Variants in PLAC9 observed in about 807,000 individuals in gnomAD.
The protein encoded by PLAC9 is placenta associated 9.
In PLAC9, 12 loss-of-function variants were observed where a neutral mutation model predicts 11.5. The ratio of observed to expected loss-of-function variants is 1.05; its 90% CI spans 0.67 to 1.69. PLAC9 has a LOEUF of 1.69. Ranked by LOEUF, PLAC9 falls within the 40% of genes most tolerant of loss-of-function variation. The pLI is 0.00. For missense variants in PLAC9, 132 were observed against 130.5 expected (o/e 1.01, Z -0.06); for synonymous variants, 62 against 58.1 (o/e 1.07, Z -0.31).
intron 1 of PLAC9, among the ~76,000 whole-genome samples, chr10:80,134,357 G>A (rs138117483): frequency 0.05 from 7,577 of 150,102 alleles, 248 homozygotes; most frequent in Non-Finnish European, 0.076. Context: ...TCCGTCTCCC[G>A]GGTTCAACTG....
intron 1 of PLAC9, among the ~76,000 whole-genome samples, chr10:80,134,245 T>TTTTCTTTC (rs781468383): frequency 1.3e-3 from 199 of 150,298 alleles, no homozygotes; most frequent in African/African-American, 4.8e-3. Flanking sequence ...GCATTGTATA[T>TTTTCTTTC]TTTCTTTCTT....
chr10:80,139,156 G>T (rs1845012030), intron 1 of PLAC9, among the ~76,000 whole-genome samples: 1 of 152,018 alleles, frequency 6.6e-6, no homozygotes, highest in Non-Finnish European at 1.5e-5. Context: ...GTTTCACCGT[G>T]TTAGCCAGGA....
chr10:80,139,859 G>A (rs1032562771), intron 1 of PLAC9, among the ~76,000 whole-genome samples: 1 of 152,116 alleles, frequency 6.6e-6, no homozygotes, highest in Non-Finnish European at 1.5e-5. Flanking sequence ...AAAGTGCTAG[G>A]ATTACAGGCA....
At chr10:80,132,887 G>A in intron 1 of PLAC9, 61 bp downstream of exon 1, 1 of 1,376,196 alleles carries the variant, frequency 7.3e-7, no homozygotes, top group South Asian at 1.4e-5. Context: ...AGATGGCGAG[G>A]AAGGAATGAG....
intron 1 of PLAC9, among the ~76,000 whole-genome samples, chr10:80,141,715 C>G (rs1039949153): frequency 9.2e-5 from 14 of 152,186 alleles, no homozygotes; most frequent in African/African-American, 7.2e-5. Flanking sequence ...TCTCCAGTCT[C>G]TCTCTCCCGC....
chr10:80,135,178 C>T (rs942479934), intron 1 of PLAC9, among the ~76,000 whole-genome samples: 1 of 151,826 alleles, frequency 6.6e-6, no homozygotes, highest in Non-Finnish European at 1.5e-5. Flanking sequence ...TGCAACCATG[C>T]CCGGCTAAAT....
At chr10:80,144,120 C>A in intron 2 of PLAC9, 103 bp from the exon 3 acceptor site, 1 of 1,534,864 alleles carries the variant, frequency 6.5e-7, no homozygotes, top group Non-Finnish European at 9.0e-7. Flanking sequence ...AGTCCTTTCC[C>A]ACTGCACCGC....
upstream of PLAC9, among the ~76,000 whole-genome samples, chr10:80,132,368 C>T (rs555701268): frequency 2.0e-5 from 3 of 152,336 alleles, no homozygotes; most frequent in African/African-American, 7.2e-5. Context: ...AAGACACTTC[C>T]CTCCGAGTCT....
chr10:80,133,518 G>A (rs1338954946), intron 1 of PLAC9, among the ~76,000 whole-genome samples: 2 of 152,244 alleles, frequency 1.3e-5, no homozygotes, highest in Non-Finnish European at 2.9e-5. Context: ...GTGGCCTCAG[G>A]TGGATCTGCA....
At chr10:80,137,151 G>A (rs1199788061) in intron 1 of PLAC9, among the ~76,000 whole-genome samples, 1 of 152,212 alleles carries the variant, frequency 6.6e-6, no homozygotes, top group Non-Finnish European at 1.5e-5. Flanking sequence ...GTTGCTCCAG[G>A]GTGCACAAAG....
At chr10:80,139,266 C>T (rs1373020778) in intron 1 of PLAC9, among the ~76,000 whole-genome samples, 2 of 152,070 alleles carry the variant, frequency 1.3e-5, no homozygotes, top group Non-Finnish European at 2.9e-5. Context: ...TTGCAACATT[C>T]TTTACCTCTT....
intron 3 of PLAC9, 94 bp downstream of exon 3, chr10:80,144,437 T>G: frequency 7.0e-7 from 1 of 1,420,156 alleles, no homozygotes; most frequent in Non-Finnish European, 9.3e-7. Context: ...TGCACAGGTG[T>G]AGCCTGGCTG....
Position 80,132,761 on chromosome 10 carries a change from C to T in PLAC9, c.-2C>T, listed in dbSNP as rs1183475554. On this transcript the variant is annotated 5_prime_UTR_variant, in exon 1 of 4. Coordinates refer to ENST00000372263, the MANE Select transcript of PLAC9 (RefSeq NM_001012973.3). ...GGCGCTGCGCTCGGCCAGGCCGGCACCATGCGGCCCCTGCTCTGCGCGCTG... is the reference window on the plus strand; with the variant it reads ...GGCGCTGCGCTCGGCCAGGCCGGCATCATGCGGCCCCTGCTCTGCGCGCTG... 9.5e-6 allele frequency: 14 copies of T among 1,476,190 alleles called. No homozygotes were observed. Among genetic ancestry groups the T allele is most frequent in the Non-Finnish European group, 1.2e-5 (14 of 1,122,226 alleles). 91.4% of individuals were successfully genotyped at this position (1,476,190 alleles called of 1,614,324 possible). A position where few individuals can be genotyped will look rare whatever the true frequency, so the allele number is the denominator to read the frequency against.
chr10:80,144,820 G>C, intron 3 of PLAC9, 80 bp from the exon 4 acceptor site: 1 of 1,413,026 alleles, frequency 7.1e-7, no homozygotes, highest in Non-Finnish European at 9.4e-7. Flanking sequence ...GGAGGGAAGG[G>C]AAGGAACTGC....
At chr10:80,133,530 TC>T (rs1341750971) in intron 1 of PLAC9, among the ~76,000 whole-genome samples, 2 of 152,192 alleles carry the variant, frequency 1.3e-5, no homozygotes, top group East Asian at 3.8e-4. Flanking sequence ...GGATCTGCAG[TC>T]AGTGAAGAAG....
At chr10:80,141,720 T>C (rs1845041631) in intron 1 of PLAC9, among the ~76,000 whole-genome samples, 1 of 152,108 alleles carries the variant, frequency 6.6e-6, no homozygotes, top group South Asian at 2.1e-4. Context: ...AGTCTCTCTC[T>C]CCCGCCCACC....
chr10:80,139,604 C>G (rs2819881), intron 1 of PLAC9, among the ~76,000 whole-genome samples: 58,904 of 151,972 alleles, frequency 0.39, 12,244 homozygotes, highest in East Asian at 0.53. Flanking sequence ...ATCCCTCATT[C>G]TGCACATCCC....
intron 1 of PLAC9, among the ~76,000 whole-genome samples, chr10:80,137,724 G>C (rs1208009504): frequency 6.6e-6 from 1 of 152,124 alleles, no homozygotes; most frequent in Non-Finnish European, 1.5e-5. Context: ...AGCTTAGCCT[G>C]GGCAACGTAG....
intron 1 of PLAC9, among the ~76,000 whole-genome samples, chr10:80,140,464 T>C (rs1845027436): frequency 6.6e-6 from 1 of 152,202 alleles, no homozygotes; most frequent in African/African-American, 2.4e-5. Context: ...TCTCCGCTGC[T>C]TTCGGCCCTG....
Sources: allele counts gnomAD v4.1 joint callset (sites outside exome capture counted in the v4.1 genomes callset), GRCh38; gene constraint gnomAD v4.1.1; transcripts MANE v1.5; gene names NCBI Gene and HGNC (gene_info 2026-07-23, HGNC 2026-07-21).